The following TYW1 variants were observed in gnomAD, a reference collection of about 807,000 sequenced individuals.
TYW1 encodes the protein tRNA-yW synthesizing protein 1 homolog.
TYW1 carries 46 observed loss-of-function variants against 96.2 expected under a neutral mutation model. The observed-to-expected ratio is 0.48, with a 90% CI of 0.38 to 0.61. The LOEUF (loss-of-function observed/expected upper bound fraction) is 0.61. Ranked by LOEUF, TYW1 falls within the 20% of genes least tolerant of loss-of-function variation. TYW1 has a pLI of 0.00. For synonymous variants in TYW1, 274 were observed against 323.0 expected (o/e 0.85, Z 1.63); for missense variants, 684 against 909.6 (o/e 0.75, Z 3.19).
intron 9 of TYW1, among the ~76,000 whole-genome samples, chr7:67,057,825 A>G (rs145243882): frequency 6.6e-6 from 1 of 152,312 alleles, no homozygotes; most frequent in East Asian, 1.9e-4. Context: ...TGCATTGTGA[A>G]TATTTCTCTA....
intron 15 of TYW1, among the ~76,000 whole-genome samples, chr7:67,235,064 T>C (rs1199082485): frequency 6.6e-6 from 1 of 151,986 alleles, no homozygotes; most frequent in East Asian, 1.9e-4. Flanking sequence ...TGAAGGAGCA[T>C]CAGGATTATG....
At chr7:67,167,353 C>T (rs906027928) in intron 13 of TYW1, among the ~76,000 whole-genome samples, 1 of 151,536 alleles carries the variant, frequency 6.6e-6, no homozygotes, top group African/African-American at 2.4e-5. Flanking sequence ...CCTGTAATCC[C>T]AGCTACTTGG....
chr7:67,224,412 C>T (rs1801490914), intron 15 of TYW1, among the ~76,000 whole-genome samples: 1 of 152,242 alleles, frequency 6.6e-6, no homozygotes, highest in African/African-American at 2.4e-5. Flanking sequence ...CAGGCATGAG[C>T]CACCATGCCC....
intron 13 of TYW1, among the ~76,000 whole-genome samples, chr7:67,130,672 A>AG (rs1306049574): frequency 3.9e-5 from 6 of 152,080 alleles, no homozygotes; most frequent in Admixed American, 3.9e-4. Context: ...CTCAAAAAAA[A>AG]AAAAATGCAA....
rs1399260623 is a variant in TYW1, at chr7:67,007,400, A to AT, written c.274-2176dup. Among the ~76,000 whole-genome samples, 3 of 151,772 alleles carry AT rather than the reference A, an allele frequency of 2.0e-5. 1 individual carries two copies. The highest frequency in any genetic ancestry group is 4.4e-5 in the Non-Finnish European group (3 of 67,970). On this transcript the variant is annotated intron_variant, in intron 3 of 15. Coordinates refer to ENST00000359626, the MANE Select transcript of TYW1 (RefSeq NM_018264.4). ...GTGTTTTTGTTGCTTCGCTTGTTGCATTTTTTTCAGTTCTTTGTTGAACAT... is the reference window on the plus strand; with the variant it reads ...GTGTTTTTGTTGCTTCGCTTGTTGCATTTTTTTTCAGTTCTTTGTTGAACAT...
chr7:67,166,628 A>C (rs1348303774), intron 13 of TYW1, among the ~76,000 whole-genome samples: 3 of 152,064 alleles, frequency 2.0e-5, no homozygotes, highest in African/African-American at 7.2e-5. Flanking sequence ...CTAACAATTT[A>C]AATTCTTTTG....
At chr7:67,098,115 A>G (rs2711905) in intron 11 of TYW1, among the ~76,000 whole-genome samples, 2 of 152,128 alleles carry the variant, frequency 1.3e-5, no homozygotes, top group Non-Finnish European at 2.9e-5. Context: ...TTTCTCTCCT[A>G]TACAGCTTTG....
intron 12 of TYW1, among the ~76,000 whole-genome samples, chr7:67,100,661 A>G (rs763227034): frequency 3.9e-5 from 6 of 152,058 alleles, no homozygotes; most frequent in Non-Finnish European, 7.4e-5. Flanking sequence ...CCTGGCTAAC[A>G]TGGTGAAACC....
At chr7:67,016,552 AAAAT>A (rs1794031155) in intron 5 of TYW1, among the ~76,000 whole-genome samples, 1 of 152,168 alleles carries the variant, frequency 6.6e-6, no homozygotes, top group Admixed American at 6.6e-5. Flanking sequence ...TGTCTCAAAA[AAAAT>A]AAATAAATAA....
At position 67,166,352 on chromosome 7, in the gene TYW1, A is replaced by G. The variant is rs1799329348; in HGVS notation, c.1699-16774A>G. ...TATATAATATATATAATATATAATT[A>G]TATATAATACATATATACATGATTT... On this transcript the variant is annotated intron_variant, in intron 13 of 15. Coordinates refer to ENST00000359626, the MANE Select transcript of TYW1 (RefSeq NM_018264.4). 1.8e-5 allele frequency among the ~76,000 whole-genome samples: 2 copies of G among 109,614 alleles called. 1 individual carries two copies. The highest frequency in any genetic ancestry group is 4.0e-5 in the Non-Finnish European group (2 of 50,478). The allele number at this position is 109,614 out of a possible 152,430, so 71.9% of individuals were successfully genotyped here.
intron 15 of TYW1, among the ~76,000 whole-genome samples, chr7:67,216,091 G>GT (rs1801190999): frequency 6.6e-6 from 1 of 151,434 alleles, no homozygotes; most frequent in African/African-American, 2.4e-5. Flanking sequence ...TTTCCTTTCT[G>GT]TACTGTCCTT....
chr7:67,008,684 TGG>T (rs1467542206), intron 3 of TYW1, among the ~76,000 whole-genome samples: 1 of 152,160 alleles, frequency 6.6e-6, no homozygotes, highest in African/African-American at 2.4e-5. Flanking sequence ...TTATTTATTT[TGG>T]AGATGGAGTT....
chr7:67,145,760 T>A (rs1332316066), intron 13 of TYW1, among the ~76,000 whole-genome samples: 4 of 143,816 alleles, frequency 2.8e-5, no homozygotes, highest in Admixed American at 2.8e-4. Flanking sequence ...TTTTGTTTGT[T>A]TGGGGTTTTT....
intron 15 of TYW1, among the ~76,000 whole-genome samples, chr7:67,230,958 G>C (rs1431616669): frequency 6.6e-6 from 1 of 152,032 alleles, no homozygotes; most frequent in African/African-American, 2.4e-5. Context: ...TCTCTTTACT[G>C]TGTACCATGG....
At chr7:67,101,272 C>T (rs982931485) in intron 12 of TYW1, among the ~76,000 whole-genome samples, 5 of 152,062 alleles carry the variant, frequency 3.3e-5, no homozygotes, top group Non-Finnish European at 7.4e-5. Flanking sequence ...CTCTGTGCCC[C>T]AGGAGTCTTA....
At chr7:67,091,177 A>G (rs888096081) in intron 11 of TYW1, among the ~76,000 whole-genome samples, 10 of 151,886 alleles carry the variant, frequency 6.6e-5, no homozygotes, top group Admixed American at 4.6e-4. Flanking sequence ...GTGTCCATCA[A>G]TGATAGACTG....
chr7:67,145,748 T>C (rs1798589694), intron 13 of TYW1, among the ~76,000 whole-genome samples: 1 of 146,432 alleles, frequency 6.8e-6, no homozygotes, highest in Non-Finnish European at 1.5e-5. Flanking sequence ...ATGATTTTTA[T>C]GTTTTGTTTG....
chr7:67,029,405 G>GTATATATATATATA (rs1277791560), intron 7 of TYW1, among the ~76,000 whole-genome samples: 2 of 89,150 alleles, frequency 2.2e-5, no homozygotes, highest in African/African-American at 4.1e-5. Flanking sequence ...GTGTGTGTGT[G>GTATATATATATATA]TGTGTGTGTG....
chr7:67,009,518 G>C (rs1279129209), intron 3 of TYW1, 65 bp from the exon 4 acceptor site: 3 of 1,405,652 alleles, frequency 2.1e-6, no homozygotes, highest in African/African-American at 1.4e-5. Context: ...TGTGCCAACA[G>C]GGGTAATGAG....
Sources: allele counts gnomAD v4.1 joint callset (sites outside exome capture counted in the v4.1 genomes callset), GRCh38; gene constraint gnomAD v4.1.1; transcripts MANE v1.5; gene names NCBI Gene and HGNC (gene_info 2026-07-23, HGNC 2026-07-21).